MDGA2: variants seen among roughly 807,000 people sequenced by gnomAD.
The protein encoded by MDGA2 is MAM domain-containing glycosylphosphatidylinositol anchor protein 2.
A neutral mutation model predicts 117.8 loss-of-function variants in MDGA2; 40 were observed. That is an observed-to-expected ratio of 0.34 (90% confidence interval 0.26 to 0.44). MDGA2 has a LOEUF of 0.44. MDGA2 is among the 20% of genes least tolerant of loss of function. MDGA2 has a pLI of 1.00. For synonymous variants in MDGA2, 452 were observed against 439.0 expected, an observed-to-expected ratio of 1.03 and a Z score of -0.37; for missense variants, 1,123 against 1,250.6, an observed-to-expected ratio of 0.90 and a Z score of 1.54.
chr14:47,267,609 C>T (rs1349956742), intron 2 of MDGA2, among the ~76,000 whole-genome samples: 8 of 152,020 alleles, frequency 5.3e-5, no homozygotes, highest in Admixed American at 5.2e-4. Flanking sequence ...TAAGTGTATG[C>T]ATATCTGAAC....
At chr14:47,216,179 G>C (rs1886081407) in intron 3 of MDGA2, among the ~76,000 whole-genome samples, 1 of 152,114 alleles carries the variant, frequency 6.6e-6, no homozygotes, top group Admixed American at 6.6e-5. Context: ...AAAAGGAAAA[G>C]AGAAAAATAT....
chr14:47,581,900 C>G (rs1896235932), intron 1 of MDGA2, among the ~76,000 whole-genome samples: 1 of 151,928 alleles, frequency 6.6e-6, no homozygotes, highest in Admixed American at 6.6e-5. Flanking sequence ...TTCCCTCATT[C>G]TGCCCAGTGC....
rs1880190258 is a variant in MDGA2, at chr14:47,099,718, C to T, written c.926-2595G>A. On this transcript the variant is annotated intron_variant, in intron 5 of 16. Transcript: ENST00000399232. Reference sequence around the variant, plus strand: ...CAAGTCTTGACTCTGCCATTTAATACCTGTGTGAACTTGAGCAAGTTCTTT... The same window carrying T: ...CAAGTCTTGACTCTGCCATTTAATATCTGTGTGAACTTGAGCAAGTTCTTT... 1.3e-5 allele frequency among the ~76,000 whole-genome samples: 2 copies of T among 151,842 alleles called. 1 individual carries two copies. The highest frequency in any genetic ancestry group is 1.3e-4 in the Admixed American group (2 of 15,210).
In MDGA2 at chr14:47,328,343, CTT is replaced by C. The variant is rs202199845; in HGVS notation, c.281-26795_281-26794del. Among the ~76,000 whole-genome samples, 716 of 152,234 alleles carry C rather than the reference CTT, an allele frequency of 4.7e-3. 4 individuals carry two copies. Among genetic ancestry groups the C allele is most frequent in the Non-Finnish European group, 7.4e-3 (500 of 68,012 alleles). The stretch of plus-strand genomic sequence containing the variant: ...CTATATTTCTACTAACTCAGGGAAA[CTT>C]TAATGATCAGCTGGAGCAAGTACAA... On this transcript the variant is annotated intron_variant, in intron 1 of 16. Coordinates refer to ENST00000399232, the MANE Select transcript of MDGA2 (RefSeq NM_001113498.3).
intron 9 of MDGA2, among the ~76,000 whole-genome samples, chr14:46,944,297 A>G (rs1885095572): frequency 6.6e-6 from 1 of 152,052 alleles, no homozygotes; most frequent in Admixed American, 6.6e-5. Context: ...AAGATGTCCC[A>G]CTTTCTTCTA....
At chr14:47,118,820 A>G (rs10138136) in intron 5 of MDGA2, among the ~76,000 whole-genome samples, 62,003 of 151,888 alleles carry the variant, frequency 0.41, 12,876 homozygotes, top group South Asian at 0.54. Context: ...TGCAGCCTCA[A>G]CCTGGCAGGC....
At chr14:47,153,343 G>A (rs111666162) in intron 3 of MDGA2, among the ~76,000 whole-genome samples, 5 of 152,222 alleles carry the variant, frequency 3.3e-5, no homozygotes, top group African/African-American at 9.6e-5. Context: ...ATTAGAAACC[G>A]GGCTGGGCAA....
intron 14 of MDGA2, chr14:46,871,999 AC>A (rs1479588189): frequency 4.5e-6 from 1 of 219,994 alleles, no homozygotes. Context: ...AAATTATAAA[AC>A]AAAACAAAAA....
intron 8 of MDGA2, among the ~76,000 whole-genome samples, chr14:46,960,241 C>T (rs1402322755): frequency 1.3e-5 from 2 of 151,944 alleles, no homozygotes; most frequent in Non-Finnish European, 2.9e-5. Flanking sequence ...TTATATTGTA[C>T]ATTATAGTAT....
chr14:47,365,469 C>T (rs1208797958), intron 1 of MDGA2, among the ~76,000 whole-genome samples: 2 of 152,264 alleles, frequency 1.3e-5, no homozygotes, highest in Non-Finnish European at 2.9e-5. Context: ...GGCAGCGCAA[C>T]CCATTGCCAT....
chr14:46,839,841 C>T (rs145075081), downstream of MDGA2, among the ~76,000 whole-genome samples: 481 of 152,008 alleles, frequency 3.2e-3, 4 homozygotes, highest in African/African-American at 0.011. Context: ...CCCTTTTGAA[C>T]TGACTGAAAA....
At chr14:47,534,663 T>A (rs1248288991) in intron 1 of MDGA2, among the ~76,000 whole-genome samples, 1 of 152,138 alleles carries the variant, frequency 6.6e-6, no homozygotes, top group African/African-American at 2.4e-5. Context: ...GTGGGGGTTA[T>A]AGTTTGAGAT....
At chr14:47,255,139 T>TGC (rs1253634300) in intron 2 of MDGA2, among the ~76,000 whole-genome samples, 94 of 152,346 alleles carry the variant, frequency 6.2e-4, no homozygotes, top group African/African-American at 2.2e-3. Context: ...TTACCCATTT[T>TGC]AATTTTGCAA....
chr14:47,388,618 TC>T (rs1338478742), intron 1 of MDGA2, among the ~76,000 whole-genome samples: 1 of 152,156 alleles, frequency 6.6e-6, no homozygotes, highest in Non-Finnish European at 1.5e-5. Context: ...GATATTGAAA[TC>T]AGGACTCTGA....
chr14:47,580,215 G>T (rs1035460487), intron 1 of MDGA2, among the ~76,000 whole-genome samples: 1 of 151,926 alleles, frequency 6.6e-6, no homozygotes, highest in Non-Finnish European at 1.5e-5. Flanking sequence ...TATTGCTTAC[G>T]TTTCTGAGGC....
intron 1 of MDGA2, among the ~76,000 whole-genome samples, chr14:47,530,547 T>C (rs983334712): frequency 6.6e-6 from 1 of 152,172 alleles, no homozygotes. Flanking sequence ...TCTCACCTCA[T>C]AATCAAACGA....
intron 1 of MDGA2, among the ~76,000 whole-genome samples, chr14:47,585,516 T>C (rs999649071): frequency 3.3e-5 from 5 of 151,906 alleles, no homozygotes; most frequent in South Asian, 4.1e-4. Context: ...ACAGGGCTTA[T>C]AAGAAAGTAT....
intron 2 of MDGA2, among the ~76,000 whole-genome samples, chr14:47,254,067 T>C (rs1043145027): frequency 3.3e-5 from 5 of 152,164 alleles, no homozygotes; most frequent in African/African-American, 7.2e-5. Context: ...TGAGGCTGCA[T>C]AGAGCAGGGG....
At chr14:46,918,618 G>T (rs1280998377) in intron 10 of MDGA2, among the ~76,000 whole-genome samples, 1 of 152,198 alleles carries the variant, frequency 6.6e-6, no homozygotes, top group East Asian at 1.9e-4. Flanking sequence ...ATCCACTATG[G>T]TCTGCTGTAT....
Sources: gnomAD v4.1 joint callset for allele counts (sites outside exome capture counted in the v4.1 genomes callset) on GRCh38, gnomAD v4.1.1 for gene constraint, MANE v1.5 for transcripts, NCBI Gene and HGNC (gene_info 2026-07-23, HGNC 2026-07-21) for gene names.